The following CTNND2 variants were observed in gnomAD, a reference collection of about 807,000 sequenced individuals.
CTNND2 encodes the protein catenin delta-2.
CTNND2 carries 22 observed loss-of-function variants against 144.4 expected under a neutral mutation model. The observed-to-expected ratio is 0.15, with a 90% confidence interval of 0.11 to 0.22. The LOEUF (loss-of-function observed/expected upper bound fraction) is 0.22. CTNND2 is among the 10% of genes least tolerant of loss of function. The pLI is 1.00. For missense variants in CTNND2, 1,353 were observed against 1,618.8 expected (o/e 0.84, Z 2.82); for synonymous variants, 751 against 695.6 (o/e 1.08, Z -1.25).
intron 2 of CTNND2, among the ~76,000 whole-genome samples, chr5:11,619,236 C>T (rs1336972478): frequency 1.3e-5 from 2 of 151,986 alleles, no homozygotes; most frequent in African/African-American, 4.8e-5. Flanking sequence ...GATGAAAACC[C>T]ATCTCTACTA....
In CTNND2 at chr5:11,283,673, C is replaced by CAAAAAAAAAAAAAA. The variant is rs70947250; in HGVS notation, c.1629-46864_1629-46851dup. ...TGGGTGAAAGAGTGAGACTCCGTCT[C>CAAAAAAAAAAAAAA]AAAAAAAAAAAAAAAAAAAAAAAAA... On this transcript the variant is annotated intron_variant, in intron 9 of 21. Coordinates refer to ENST00000304623, the MANE Select transcript of CTNND2 (RefSeq NM_001332.4). 3.8e-4 allele frequency among the ~76,000 whole-genome samples: 12 copies of CAAAAAAAAAAAAAA among 31,590 alleles called. 1 individual carries two copies. The highest frequency in any genetic ancestry group is 5.2e-4 in the Non-Finnish European group (9 of 17,268). The allele number at this position is 31,590 out of a possible 152,430, so 20.7% of individuals were successfully genotyped here.
rs4505947 is a variant in CTNND2, at chr5:11,725,609, G to C, written c.174+6527C>G. On this transcript the variant is annotated intron_variant, in intron 2 of 21. Transcript: ENST00000304623. ...TGAGGTTGTGTAGTGTAGTGGGGGG[G>C]AAAAGCACTGAATTTGAAGTAAAAC... Among the ~76,000 whole-genome samples, 10 of 151,808 alleles carry C rather than the reference G, an allele frequency of 6.6e-5. 1 individual carries two copies. Among genetic ancestry groups the C allele is most frequent in the Non-Finnish European group, 7.4e-5 (5 of 67,962 alleles).
intron 2 of CTNND2, among the ~76,000 whole-genome samples, chr5:11,658,624 T>C (rs556084075): frequency 1.2e-4 from 18 of 152,134 alleles, no homozygotes; most frequent in Non-Finnish European, 2.4e-4. Context: ...GTCAAGGCCA[T>C]AAAAACATTA....
intron 8 of CTNND2, among the ~76,000 whole-genome samples, chr5:11,355,671 G>A (rs1755791518): frequency 6.6e-6 from 1 of 152,128 alleles, no homozygotes; most frequent in South Asian, 2.1e-4. Flanking sequence ...AGTACTGGAA[G>A]TCCTAGTCAG....
chr5:11,351,163 T>C (rs2149747793), intron 8 of CTNND2, among the ~76,000 whole-genome samples: 1 of 152,310 alleles, frequency 6.6e-6, no homozygotes, highest in South Asian at 2.1e-4. Context: ...TTCTGGACTG[T>C]TGAACACTTT....
At chr5:11,081,273 T>C (rs775116873) in intron 16 of CTNND2, among the ~76,000 whole-genome samples, 1 of 152,204 alleles carries the variant, frequency 6.6e-6, no homozygotes, top group Non-Finnish European at 1.5e-5. Context: ...CTACAGTTAA[T>C]AATAATGTAT....
chr5:11,280,305 A>T (rs1008517861), intron 9 of CTNND2, among the ~76,000 whole-genome samples: 14 of 152,188 alleles, frequency 9.2e-5, no homozygotes, highest in Non-Finnish European at 1.8e-4. Context: ...AAGGAATAAT[A>T]ATAATAGTGT....
chr5:11,623,804 GTATGTATATATATATATATATATATA>G (rs1561631160), intron 2 of CTNND2, among the ~76,000 whole-genome samples: 1 of 30,638 alleles, frequency 3.3e-5, no homozygotes, highest in Non-Finnish European at 6.1e-5. Context: ...ATATATGTGT[GTATGTATATATATATATATATATATA>G]TATATATATA....
chr5:11,653,280 G>A (rs1033597769), intron 2 of CTNND2, among the ~76,000 whole-genome samples: 11 of 152,048 alleles, frequency 7.2e-5, no homozygotes, highest in African/African-American at 2.2e-4. Context: ...ATTATAGTGC[G>A]ATTGCTGTGT....
chr5:11,171,484 T>C (rs1396944479), intron 11 of CTNND2, among the ~76,000 whole-genome samples: 1 of 152,240 alleles, frequency 6.6e-6, no homozygotes, highest in Non-Finnish European at 1.5e-5. Flanking sequence ...TAATTCTGAA[T>C]GTGAACATTT....
intron 2 of CTNND2, among the ~76,000 whole-genome samples, chr5:11,716,454 C>T (rs931037955): frequency 2.6e-5 from 4 of 152,092 alleles, no homozygotes; most frequent in Admixed American, 2.6e-4. Flanking sequence ...TTTGGTTAAA[C>T]TCTTTTAAAA....
intron 3 of CTNND2, among the ~76,000 whole-genome samples, chr5:11,562,923 A>G (rs1396536680): frequency 3.3e-5 from 5 of 152,210 alleles, no homozygotes; most frequent in Admixed American, 6.5e-5. Flanking sequence ...TACGGCTCTC[A>G]CTGACTTTCA....
At chr5:11,682,570 C>A (rs913922818) in intron 2 of CTNND2, among the ~76,000 whole-genome samples, 1 of 152,118 alleles carries the variant, frequency 6.6e-6, no homozygotes, top group Admixed American at 6.6e-5. Context: ...TCTTTCTTAA[C>A]GGATTTTTGC....
chr5:11,589,772 G>C lies in CTNND2; in HGVS notation c.175-24716C>G, dbSNP rs573453177. On this transcript the variant is annotated intron_variant, in intron 2 of 21. Coordinates refer to ENST00000304623, the MANE Select transcript of CTNND2 (RefSeq NM_001332.4). ...TTTTTATTGACCTTTGTACCAAATGGATCCCAGGTCCACATTTTATAATTA... is the reference window on the plus strand; with the variant it reads ...TTTTTATTGACCTTTGTACCAAATGCATCCCAGGTCCACATTTTATAATTA... Among the ~76,000 whole-genome samples, 5 of 152,240 alleles carry C rather than the reference G, an allele frequency of 3.3e-5. No homozygotes were observed. The South Asian group carries it at 1.0e-3, about 32-fold the overall frequency.
At chr5:11,061,984 C>T (rs1051183973) in intron 16 of CTNND2, among the ~76,000 whole-genome samples, 1 of 152,204 alleles carries the variant, frequency 6.6e-6, no homozygotes, top group Admixed American at 6.5e-5. Flanking sequence ...GCTGAGATTA[C>T]AGGCGTGAGC....
intron 1 of CTNND2, 72 bp from the exon 2 acceptor site, chr5:11,732,344 T>C (rs1184469744): frequency 2.1e-6 from 3 of 1,460,634 alleles, no homozygotes; most frequent in Non-Finnish European, 2.8e-6. Flanking sequence ...CAGACCACTT[T>C]GAAGATACAC....
At chr5:11,637,260 C>A (rs1034531534) in intron 2 of CTNND2, among the ~76,000 whole-genome samples, 4 of 152,060 alleles carry the variant, frequency 2.6e-5, no homozygotes, top group Non-Finnish European at 5.9e-5. Flanking sequence ...TGAGTTCTTG[C>A]CAATGAACCG....
intron 1 of CTNND2, among the ~76,000 whole-genome samples, chr5:11,829,906 G>A (rs1793804520): frequency 6.6e-6 from 1 of 152,228 alleles, no homozygotes; most frequent in Non-Finnish European, 1.5e-5. Context: ...CAAAGCCACA[G>A]GTGTGGAGCT....
chr5:11,730,649 C>G (rs921888440), intron 2 of CTNND2, among the ~76,000 whole-genome samples: 4 of 152,208 alleles, frequency 2.6e-5, no homozygotes, highest in Admixed American at 1.3e-4. Flanking sequence ...CAACCAGCCA[C>G]AGGCTTCTGA....
Sources: allele counts gnomAD v4.1 joint callset (sites outside exome capture counted in the v4.1 genomes callset), GRCh38; gene constraint gnomAD v4.1.1; transcripts MANE v1.5; gene names NCBI Gene and HGNC (gene_info 2026-07-23, HGNC 2026-07-21).